The following GRIN2B variants were observed in gnomAD, a reference collection of about 807,000 sequenced individuals.
GRIN2B encodes the protein glutamate receptor ionotropic, NMDA 2B.
GRIN2B carries 5 observed loss-of-function variants against 114.5 expected under a neutral mutation model. That is an observed-to-expected ratio of 0.04 (90% confidence interval 0.02 to 0.09). The LOEUF (loss-of-function observed/expected upper bound fraction) is 0.09. GRIN2B is among the 10% of genes least tolerant of loss of function. The pLI, the probability that GRIN2B is intolerant of heterozygous loss-of-function variation, is 1.00. For missense variants in GRIN2B, 1,108 were observed against 1,943.5 expected (o/e 0.57, Z 8.08); for synonymous variants, 787 against 745.1 (o/e 1.06, Z -0.92).
rs899336438 is a variant in GRIN2B at position 13,542,623 on chromosome 12, C to T, written c.*20160G>A. Reference sequence around the variant, plus strand: ...GGCCAACCCCAAATGCCCACAGCCTCGCTTAGGGCAATCACCACGAGAAGC... The same window carrying T: ...GGCCAACCCCAAATGCCCACAGCCTTGCTTAGGGCAATCACCACGAGAAGC... On this transcript the variant is annotated 3_prime_UTR_variant, in exon 14 of 14. Coordinates refer to ENST00000609686, the MANE Select transcript of GRIN2B (RefSeq NM_000834.5). The T allele has an allele frequency of 3.9e-5, 6 of 152,242 alleles. No individual in the cohort carries two copies. The highest frequency in any genetic ancestry group is 9.7e-5 in the African/African-American group (4 of 41,440). The allele number at this position is 152,242 out of a possible 1,614,324, so 9.4% of individuals were successfully genotyped here.
chr12:13,925,492 T>G (rs1399500846), intron 2 of GRIN2B, among the ~76,000 whole-genome samples: 2 of 152,182 alleles, frequency 1.3e-5, no homozygotes, highest in Non-Finnish European at 2.9e-5. Context: ...TTCCACCATT[T>G]TGAAAAGAAA....
rs547614645 is a variant in GRIN2B at position 13,694,847 on chromosome 12, T to C, written c.1011-18988A>G. Among the ~76,000 whole-genome samples, 21 of 151,832 alleles carry C rather than the reference T, an allele frequency of 1.4e-4. No individual in the cohort carries two copies. In the East Asian group the frequency reaches 3.5e-3, roughly 25 times the overall value. ...GATGAGACACTACTCACATTACTTTTTCCAGGACTGGGGAAAGTGAAGAAA... is the reference window on the plus strand; with the variant it reads ...GATGAGACACTACTCACATTACTTTCTCCAGGACTGGGGAAAGTGAAGAAA... On this transcript the variant is annotated intron_variant, in intron 4 of 13. Coordinates refer to ENST00000609686, the MANE Select transcript of GRIN2B (RefSeq NM_000834.5).
At chr12:13,916,712 TACACACAC>T (rs1156830012) in intron 2 of GRIN2B, among the ~76,000 whole-genome samples, 3 of 96,906 alleles carry the variant, frequency 3.1e-5, no homozygotes, top group African/African-American at 1.2e-4. Flanking sequence ...CATATACATA[TACACACAC>T]ACACACACAC....
chr12:13,566,057 C>T (rs1410292851), intron 13 of GRIN2B, among the ~76,000 whole-genome samples: 1 of 152,196 alleles, frequency 6.6e-6, no homozygotes, highest in East Asian at 1.9e-4. Context: ...AGCAACATGG[C>T]TCAGGGATCA....
chr12:13,902,684 G>A (rs1353463531), intron 2 of GRIN2B, among the ~76,000 whole-genome samples: 7 of 152,056 alleles, frequency 4.6e-5, no homozygotes, highest in Admixed American at 1.3e-4. Flanking sequence ...GGTGGCCTGC[G>A]CCTGTAATCT....
chr12:13,611,779 C>T lies in GRIN2B; in HGVS notation c.1726G>A (p.Val576Ile). The T allele has an allele frequency of 8.1e-6, 13 of 1,613,668 alleles. No homozygotes were observed. Among genetic ancestry groups the T allele is most frequent in the African/African-American group, 1.3e-5 (1 of 75,044 alleles). Residue 576 changes from valine to isoleucine, a missense_variant, in exon 9 of 14, where the codon GTC becomes ATC. This residue lies in a region of GRIN2B where 24 missense variants were observed against 38.1 expected (regional missense o/e 0.63). Transcript: ENST00000609686. Reference protein sequence around the residue: ...LLIVSAVAVFVFEYFSPVGYN... With the variant: ...LLIVSAVAVFIFEYFSPVGYN... ...CCCACAGGGCTGAAGTACTCAAAGA[C>T]AAAGACAGCCACGGCTGAGACGATG...
chr12:13,758,382 G>T (rs761801189), intron 3 of GRIN2B, among the ~76,000 whole-genome samples: 1 of 152,080 alleles, frequency 6.6e-6, no homozygotes, highest in Non-Finnish European at 1.5e-5. Context: ...AAAAGAAATT[G>T]CTTCAAAGAG....
chr12:13,980,662 G>C (rs1016228164), intron 1 of GRIN2B, among the ~76,000 whole-genome samples: 1 of 151,878 alleles, frequency 6.6e-6, no homozygotes, highest in Non-Finnish European at 1.5e-5. Flanking sequence ...AGGAAGGGGG[G>C]GAGAAGCGGC....
intron 3 of GRIN2B, among the ~76,000 whole-genome samples, chr12:13,850,779 A>G (rs76138943): frequency 2.8e-4 from 42 of 152,298 alleles, no homozygotes; most frequent in African/African-American, 9.4e-4. Flanking sequence ...AAAGTGTTCA[A>G]AATAAAGTGA....
intron 4 of GRIN2B, among the ~76,000 whole-genome samples, chr12:13,685,922 C>G (rs928013350): frequency 6.6e-6 from 1 of 152,082 alleles, no homozygotes; most frequent in South Asian, 2.1e-4. Context: ...GTGAGATGAA[C>G]AGTCTCTAAC....
Position 13,890,916 on chromosome 12 carries a change from C to G in GRIN2B, c.-18-24690G>C, listed in dbSNP as rs11055667. Reference sequence around the variant, plus strand: ...TTGAGGCTGCAAAGTCCAGTGGGCCCGGAACCCATCTGAGCAGGTTTCCTC... The same window carrying G: ...TTGAGGCTGCAAAGTCCAGTGGGCCGGGAACCCATCTGAGCAGGTTTCCTC... On this transcript the variant is annotated intron_variant, in intron 2 of 13. Coordinates refer to ENST00000609686, the MANE Select transcript of GRIN2B (RefSeq NM_000834.5). Among the ~76,000 whole-genome samples the G allele has an allele frequency of 9.5e-4, 144 of 152,252 alleles. 2 individuals are homozygous for G. The East Asian group carries it at 0.024, about 25-fold the overall frequency.
chr12:13,829,595 G>C (rs1218226162), intron 3 of GRIN2B, among the ~76,000 whole-genome samples: 1 of 152,168 alleles, frequency 6.6e-6, no homozygotes, highest in South Asian at 2.1e-4. Context: ...GATAATGCAG[G>C]TTAACTAAGT....
At chr12:13,571,604 GAAGT>G (rs1948709769) in intron 11 of GRIN2B, among the ~76,000 whole-genome samples, 196 bp downstream of exon 11, 1 of 152,142 alleles carries the variant, frequency 6.6e-6, no homozygotes, top group Admixed American at 6.5e-5. Flanking sequence ...AAAATACATA[GAAGT>G]AATAGCATAG....
intron 2 of GRIN2B, among the ~76,000 whole-genome samples, chr12:13,903,276 C>G (rs983775654): frequency 8.5e-5 from 13 of 152,184 alleles, no homozygotes; most frequent in Middle Eastern, 3.4e-3. Context: ...CTTTCGTACT[C>G]TTTTAATTTT....
In GRIN2B at chr12:13,564,720, G is replaced by C; in HGVS notation, c.2599-81C>G. The C allele has an allele frequency of 4.2e-6, 5 of 1,188,070 alleles. No individual in the cohort carries two copies. The highest frequency in any genetic ancestry group is 6.3e-6 in the Non-Finnish European group (5 of 799,472). 73.6% of individuals were successfully genotyped at this position (1,188,070 alleles called of 1,614,324 possible). On this transcript the variant is annotated intron_variant, in intron 13 of 13. Transcript: ENST00000609686. The surrounding 1 kb of genome is among the most constrained non-coding windows in gnomAD (Gnocchi z 4.8). ...AAAAAACACTCTCCCACCAATAATT[G>C]CTCCAACTGGATAAGAAAAAGGGAA...
In GRIN2B at chr12:13,594,622, A is replaced by G. The variant is rs369278915; in HGVS notation, c.2010+13981T>C. Among the ~76,000 whole-genome samples the G allele has an allele frequency of 1.3e-4, 19 of 151,250 alleles. No individual in the cohort carries two copies. The East Asian group carries it at 3.0e-3, about 24-fold the overall frequency. On this transcript the variant is annotated intron_variant, in intron 10 of 13. Transcript: ENST00000609686. Reference sequence around the variant, plus strand: ...AAACCACCATGGCATGTGTATATCTATGTAACAAACCCGCACATTCTGCAC... The same window carrying G: ...AAACCACCATGGCATGTGTATATCTGTGTAACAAACCCGCACATTCTGCAC...
At chr12:13,731,332 C>T (rs1305733523) in intron 4 of GRIN2B, among the ~76,000 whole-genome samples, 2 of 152,012 alleles carry the variant, frequency 1.3e-5, no homozygotes, top group African/African-American at 4.8e-5. Flanking sequence ...ATCCAAAAGC[C>T]ATCACACCTG....
rs1948584704 is a variant in GRIN2B at position 13,563,627 on chromosome 12, A to G, written c.3611T>C (p.Val1204Ala). ...GCCCCCGGACCGGTCCTCCCACTCC[A>G]CGTTGGTCAGGTTCTTCTCCCAAGG... ...PAPWEKNLTN[V>A]EWEDRSGGNF... Residue 1204 changes from valine (V) to alanine (A), a missense_variant, in exon 14 of 14, where the codon GTG (valine) becomes GCG (alanine). Transcript: ENST00000609686. The G allele has an allele frequency of 1.2e-6, 2 of 1,613,826 alleles. No individual in the cohort carries two copies. The highest frequency in any genetic ancestry group is 2.2e-5 in the East Asian group (1 of 44,846).
intron 4 of GRIN2B, among the ~76,000 whole-genome samples, chr12:13,743,566 G>A (rs1239322759): frequency 6.6e-6 from 1 of 151,604 alleles, no homozygotes; most frequent in African/African-American, 2.4e-5. Context: ...GTGCTGTTTT[G>A]CCTAAACAAA....
Sources: allele counts gnomAD v4.1 joint callset (sites outside exome capture counted in the v4.1 genomes callset), GRCh38; gene constraint gnomAD v4.1.1; regional missense constraint gnomAD v4.1.1; non-coding constraint Gnocchi (gnomAD v3.1); transcripts MANE v1.5; gene names NCBI Gene and HGNC (gene_info 2026-07-23, HGNC 2026-07-21).